The following RAB3C variants were observed in gnomAD, a reference collection of about 807,000 sequenced individuals.
RAB3C encodes the protein RAB3C, member RAS oncogene family.
In RAB3C, 17 loss-of-function variants were observed where a neutral mutation model predicts 26.4. That is an observed-to-expected ratio of 0.64 (90% CI 0.44 to 0.97). The LOEUF (loss-of-function observed/expected upper bound fraction) is 0.97, where lower values mean the gene tolerates loss of function less well. Among genes scored for constraint, RAB3C ranks in the 50% least tolerant of loss-of-function variants. The pLI, the probability that RAB3C is intolerant of heterozygous loss-of-function variation, is 0.00. For synonymous variants in RAB3C, 91 were observed against 95.9 expected (o/e 0.95, Z 0.30); for missense variants, 242 against 281.9 (o/e 0.86, Z 1.01).
intron 2 of RAB3C, among the ~76,000 whole-genome samples, chr5:58,691,947 C>A (rs1334589809): frequency 5.3e-5 from 8 of 152,040 alleles, no homozygotes; most frequent in African/African-American, 1.9e-4. Context: ...ATTCATGGAC[C>A]CAAGCATATT....
intron 2 of RAB3C, among the ~76,000 whole-genome samples, chr5:58,725,485 A>C (rs2111919311): frequency 6.6e-6 from 1 of 151,888 alleles, no homozygotes; most frequent in African/African-American, 2.4e-5. Flanking sequence ...AGCTTTGGAA[A>C]GTTTTCTCTT....
chr5:58,654,576 G>A (rs1747726797), intron 2 of RAB3C, among the ~76,000 whole-genome samples: 1 of 152,012 alleles, frequency 6.6e-6, no homozygotes, highest in Non-Finnish European at 1.5e-5. Context: ...TTCATATTTA[G>A]ATGAGAAAAA....
intron 2 of RAB3C, among the ~76,000 whole-genome samples, chr5:58,670,233 C>T (rs1748084798): frequency 6.6e-6 from 1 of 152,052 alleles, no homozygotes; most frequent in Non-Finnish European, 1.5e-5. Flanking sequence ...TTCATGGACC[C>T]TCTGGAAAAG....
intron 3 of RAB3C, among the ~76,000 whole-genome samples, chr5:58,745,392 C>CAAAAAAAAAAAAAAAAA (rs1173604247): frequency 9.1e-5 from 3 of 33,108 alleles, no homozygotes; most frequent in African/African-American, 2.8e-4. Flanking sequence ...GACTCTGCTT[C>CAAAAAAAAAAAAAAAAA]AAAAAAAAAA....
intron 1 of RAB3C, among the ~76,000 whole-genome samples, chr5:58,607,350 A>T (rs1442698300): frequency 2.0e-5 from 3 of 152,212 alleles, no homozygotes; most frequent in African/African-American, 7.2e-5. Flanking sequence ...AAGCAAGAAG[A>T]CAAGATTAGA....
intron 3 of RAB3C, among the ~76,000 whole-genome samples, chr5:58,751,684 G>A (rs1027014293): frequency 2.0e-5 from 3 of 152,156 alleles, no homozygotes; most frequent in Admixed American, 6.5e-5. Context: ...TAGTGGTAAC[G>A]ACTTCTAGTC....
chr5:58,839,541 T>G (rs1359881220), intron 4 of RAB3C, among the ~76,000 whole-genome samples: 1 of 152,022 alleles, frequency 6.6e-6, no homozygotes, highest in Non-Finnish European at 1.5e-5. Flanking sequence ...CGGCTAATTT[T>G]GTATTTTTAG....
chr5:58,743,765 C>T (rs1741332309), intron 3 of RAB3C, among the ~76,000 whole-genome samples: 1 of 152,136 alleles, frequency 6.6e-6, no homozygotes, highest in Admixed American at 6.5e-5. Context: ...AAAAATCTCT[C>T]CAAGTGGATT....
At chr5:58,748,110 G>A (rs1344592160) in intron 3 of RAB3C, among the ~76,000 whole-genome samples, 1 of 151,764 alleles carries the variant, frequency 6.6e-6, no homozygotes, top group East Asian at 1.9e-4. Context: ...CTCAATACTT[G>A]TTGTTCATAT....
At chr5:58,740,735 G>A (rs879374560) in intron 3 of RAB3C, among the ~76,000 whole-genome samples, 5 of 152,092 alleles carry the variant, frequency 3.3e-5, no homozygotes, top group Non-Finnish European at 5.9e-5. Flanking sequence ...CAGGAAAATC[G>A]CTTGAACCCA....
At chr5:58,762,964 C>T (rs890841257) in intron 3 of RAB3C, among the ~76,000 whole-genome samples, 2 of 152,024 alleles carry the variant, frequency 1.3e-5, no homozygotes, top group African/African-American at 2.4e-5. Flanking sequence ...CTGTTATAAC[C>T]GGTTCAAAAG....
intron 3 of RAB3C, among the ~76,000 whole-genome samples, chr5:58,778,736 C>T (rs1037206930): frequency 1.3e-5 from 2 of 152,098 alleles, no homozygotes; most frequent in Non-Finnish European, 2.9e-5. Flanking sequence ...TATGCCATGG[C>T]CTCATCTATC....
chr5:58,837,177 A>G (rs547424297), intron 4 of RAB3C, among the ~76,000 whole-genome samples: 1 of 151,754 alleles, frequency 6.6e-6, no homozygotes, highest in Non-Finnish European at 1.5e-5. Context: ...GGCCATTTTT[A>G]TGTCTTTTTT....
chr5:58,617,634 T>G lies in RAB3C; in HGVS notation c.25-9T>G. Reference sequence around the variant, plus strand: ...ATTTTGTTTTTGTTTTGTTTTGTTTTTATCACAGATGGCCTCTGCCCAAGA... The same window carrying G: ...ATTTTGTTTTTGTTTTGTTTTGTTTGTATCACAGATGGCCTCTGCCCAAGA... On this transcript the variant is annotated splice_polypyrimidine_tract_variant and intron_variant, in intron 1 of 4. Transcript: ENST00000282878. The G allele has an allele frequency of 6.2e-7, 1 of 1,607,732 alleles. No individual in the cohort carries two copies. The highest frequency in any genetic ancestry group is 8.5e-7 in the Non-Finnish European group (1 of 1,174,438).
intron 2 of RAB3C, among the ~76,000 whole-genome samples, chr5:58,723,120 A>G (rs528622716): frequency 3.2e-4 from 48 of 151,852 alleles, no homozygotes; most frequent in African/African-American, 9.9e-4. Flanking sequence ...TATACTTCCC[A>G]GTTTATCATT....
At chr5:58,737,435 A>G (rs1561305209) in intron 3 of RAB3C, among the ~76,000 whole-genome samples, 1 of 93,392 alleles carries the variant, frequency 1.1e-5, no homozygotes, top group Non-Finnish European at 2.0e-5. Flanking sequence ...ATATATATAT[A>G]TATATATATA....
rs80278675 is a variant in RAB3C at position 58,787,186 on chromosome 5, A to G, written c.372-37852A>G. On this transcript the variant is annotated intron_variant, in intron 3 of 4. Transcript: ENST00000282878. Reference sequence around the variant, plus strand: ...AAGCCCCGGGAGCTCAGAGCTGAAAATAGTTTTGCGTGGAGCTGCCGCTAG... The same window carrying G: ...AAGCCCCGGGAGCTCAGAGCTGAAAGTAGTTTTGCGTGGAGCTGCCGCTAG... 5.2e-4 allele frequency among the ~76,000 whole-genome samples: 79 copies of G among 152,330 alleles called. 1 individual carries two copies. The East Asian group carries it at 0.012, about 22-fold the overall frequency.
At chr5:58,690,570 A>G (rs1251328090) in intron 2 of RAB3C, among the ~76,000 whole-genome samples, 1 of 152,070 alleles carries the variant, frequency 6.6e-6, no homozygotes, top group African/African-American at 2.4e-5. Context: ...GGATTCTTTA[A>G]TTTTCCTCCA....
intron 2 of RAB3C, among the ~76,000 whole-genome samples, chr5:58,697,241 G>A (rs1748727152): frequency 6.6e-6 from 1 of 152,180 alleles, no homozygotes; most frequent in African/African-American, 2.4e-5. Context: ...TTTTGAGTGA[G>A]TTTCTTAATC....
Sources: allele counts gnomAD v4.1 joint callset (sites outside exome capture counted in the v4.1 genomes callset), GRCh38; gene constraint gnomAD v4.1.1; transcripts MANE v1.5; gene names NCBI Gene and HGNC (gene_info 2026-07-23, HGNC 2026-07-21).